Variants in C3orf49 observed in about 807,000 individuals in gnomAD.
The protein encoded by C3orf49 is putative uncharacterized protein C3orf49.
In C3orf49, 27 loss-of-function variants were observed where a neutral mutation model predicts 13.3. The observed-to-expected ratio is 2.02, with a 90% CI of 1.49 to 2.79. The LOEUF (loss-of-function observed/expected upper bound fraction) is 2.79, where lower values mean the gene tolerates loss of function less well. Ranked by LOEUF, C3orf49 falls within the 30% of genes most tolerant of loss-of-function variation. C3orf49 has a pLI of 0.00. For synonymous variants in C3orf49, 87 were observed against 47.6 expected, an observed-to-expected ratio of 1.83 and a Z score of -3.40; for missense variants, 242 against 134.2, an observed-to-expected ratio of 1.80 and a Z score of -3.97.
chr3:63,812,658 A>C, the C3orf49 span, among the ~76,000 whole-genome samples: 1 of 152,220 alleles, frequency 6.6e-6, no homozygotes, highest in Admixed American at 6.5e-5. Context: ...ATTCTAAAGC[A>C]AATGGTTGAA....
At chr3:63,807,660 C>G in the C3orf49 span, among the ~76,000 whole-genome samples, 1 of 151,830 alleles carries the variant, frequency 6.6e-6, no homozygotes, top group Admixed American at 6.6e-5. Context: ...AGTTCGAGGA[C>G]AGCCTGGCCA....
At chr3:63,795,352 G>A in the C3orf49 span, among the ~76,000 whole-genome samples, 2 of 152,250 alleles carry the variant, frequency 1.3e-5, no homozygotes, top group South Asian at 2.1e-4. Flanking sequence ...CTGCTGCTCA[G>A]GTCTGTTCCC....
the C3orf49 span, among the ~76,000 whole-genome samples, chr3:63,786,433 T>G: frequency 6.6e-6 from 1 of 152,160 alleles, no homozygotes; most frequent in African/African-American, 2.4e-5. Flanking sequence ...TAAAATTAAA[T>G]AAAAAGGAGT....
intron 5 of C3orf49, among the ~76,000 whole-genome samples, chr3:63,843,283 T>C (rs1455425837): frequency 6.6e-6 from 1 of 151,920 alleles, no homozygotes; most frequent in Non-Finnish European, 1.5e-5. Flanking sequence ...CATGCCCAGC[T>C]AATTTTGTAT....
chr3:63,842,464 A>T (rs1038768641), intron 5 of C3orf49, among the ~76,000 whole-genome samples: 3 of 152,204 alleles, frequency 2.0e-5, no homozygotes, highest in African/African-American at 7.2e-5. Flanking sequence ...TCCACTGATC[A>T]ATGAGTGAAT....
the C3orf49 span, among the ~76,000 whole-genome samples, chr3:63,813,848 A>G: frequency 6.6e-6 from 1 of 152,216 alleles, no homozygotes; most frequent in Admixed American, 6.5e-5. Flanking sequence ...AAGGTCTCCC[A>G]AATCCTGGTA....
At position 63,830,381 on chromosome 3, in the gene C3orf49, G is replaced by C. The variant is rs191507043; in HGVS notation, c.571-729G>C. On this transcript the variant is annotated intron_variant, in intron 3 of 6. Transcript: ENST00000295896. ...TTGAGCTGGGCAAGCTGGCAGGGTA[G>C]CAGTGGTTCAGCAGACTCCATTTGT... Among the ~76,000 whole-genome samples the C allele has an allele frequency of 2.8e-3, 432 of 152,328 alleles. 2 individuals are homozygous for C. The highest frequency in any genetic ancestry group is 3.1e-3 in the Non-Finnish European group (212 of 68,030).
the C3orf49 span, among the ~76,000 whole-genome samples, chr3:63,782,224 C>T: frequency 2.0e-5 from 3 of 152,132 alleles, no homozygotes; most frequent in African/African-American, 7.2e-5. Context: ...TTTCAATACA[C>T]TTTATACTCT....
At chr3:63,808,804 C>T in the C3orf49 span, among the ~76,000 whole-genome samples, 1 of 152,266 alleles carries the variant, frequency 6.6e-6, no homozygotes, top group African/African-American at 2.4e-5. Flanking sequence ...GTACACTCAG[C>T]CCAGGAGAAA....
intron 5 of C3orf49, among the ~76,000 whole-genome samples, chr3:63,841,934 T>C (rs1026495345): frequency 5.9e-5 from 9 of 152,126 alleles, no homozygotes; most frequent in African/African-American, 2.2e-4. Flanking sequence ...GAAATACCAT[T>C]TTTTTTGCTA....
chr3:63,788,112 G>T, the C3orf49 span, among the ~76,000 whole-genome samples: 2 of 152,136 alleles, frequency 1.3e-5, no homozygotes, highest in African/African-American at 4.8e-5. Context: ...TGGGTTCTTA[G>T]CATCATTGAT....
chr3:63,795,232 G>C, the C3orf49 span, among the ~76,000 whole-genome samples: 1 of 152,120 alleles, frequency 6.6e-6, no homozygotes, highest in Non-Finnish European at 1.5e-5. Context: ...CAACCAATCA[G>C]ACTGATTGAG....
At chr3:63,838,392 T>C in intron 5 of C3orf49, 1 of 1,551,120 alleles carries the variant, frequency 6.4e-7, no homozygotes, top group Non-Finnish European at 8.8e-7. Context: ...GTAAATTTTT[T>C]CATAATTTTC....
the C3orf49 span, among the ~76,000 whole-genome samples, chr3:63,783,525 TACACACACACACACACACACACAC>T: frequency 7.6e-6 from 1 of 131,950 alleles, no homozygotes; most frequent in Non-Finnish European, 1.6e-5. Flanking sequence ...TACTAAAAAT[TACACACACACACACACACACACAC>T]ACACACACAC....
intron 5 of C3orf49, among the ~76,000 whole-genome samples, chr3:63,837,823 T>A (rs1482191636): frequency 6.6e-6 from 1 of 152,080 alleles, no homozygotes; most frequent in Non-Finnish European, 1.5e-5. Flanking sequence ...TTCTCTATTT[T>A]AAAGAATAAT....
the C3orf49 span, among the ~76,000 whole-genome samples, chr3:63,805,345 T>A: frequency 6.6e-6 from 1 of 152,238 alleles, no homozygotes; most frequent in Non-Finnish European, 1.5e-5. Flanking sequence ...CTTCTTTTTA[T>A]TACTTTTTTT....
intron 2 of C3orf49, among the ~76,000 whole-genome samples, chr3:63,824,037 G>A (rs190571894): frequency 1.1e-4 from 17 of 152,170 alleles, no homozygotes; most frequent in Admixed American, 1.0e-3. Context: ...CTGACTTCAG[G>A]TGATCCGTTC....
chr3:63,804,349 TA>T, the C3orf49 span, among the ~76,000 whole-genome samples: 1 of 152,214 alleles, frequency 6.6e-6, no homozygotes, highest in African/African-American at 2.4e-5. Flanking sequence ...CAAAGCTTCC[TA>T]ACATGGCTCA....
chr3:63,796,760 A>G, the C3orf49 span, among the ~76,000 whole-genome samples: 3 of 152,146 alleles, frequency 2.0e-5, no homozygotes, highest in South Asian at 6.2e-4. Context: ...ATACACTGTT[A>G]GTATTAAAGT....
Sources: gnomAD v4.1 joint callset for allele counts (sites outside exome capture counted in the v4.1 genomes callset) on GRCh38, gnomAD v4.1.1 for gene constraint, MANE v1.5 for transcripts, NCBI Gene and HGNC (gene_info 2026-07-23, HGNC 2026-07-21) for gene names.